The following NXPH1 variants were observed in gnomAD, a reference collection of about 807,000 sequenced individuals.
NXPH1 encodes the protein neurexophilin 1.
In NXPH1, 5 loss-of-function variants were observed where a neutral mutation model predicts 23.7. The observed-to-expected ratio is 0.21, with a 90% CI of 0.11 to 0.44. NXPH1 has a LOEUF of 0.44. Ranked by LOEUF, NXPH1 falls within the 20% of genes least tolerant of loss-of-function variation. The pLI is 0.99. For synonymous variants in NXPH1, 144 were observed against 122.2 expected (o/e 1.18, Z -1.18); for missense variants, 324 against 321.6 (o/e 1.01, Z -0.06).
At chr7:8,600,994 A>G (rs1478823087) in intron 2 of NXPH1, among the ~76,000 whole-genome samples, 1 of 151,896 alleles carries the variant, frequency 6.6e-6, no homozygotes, top group African/African-American at 2.4e-5. Context: ...TTATTGCATT[A>G]GGTATTATAA....
At chr7:8,462,471 C>A (rs1816712154) in intron 2 of NXPH1, among the ~76,000 whole-genome samples, 2 of 152,164 alleles carry the variant, frequency 1.3e-5, no homozygotes, top group Admixed American at 1.3e-4. Flanking sequence ...ATTGTCATCA[C>A]TGAGAAATGG....
At position 8,633,688 on chromosome 7, in the gene NXPH1, A is replaced by G. The variant is rs192333930; in HGVS notation, c.55-117320A>G. Among the ~76,000 whole-genome samples the G allele has an allele frequency of 2.8e-3, 419 of 152,260 alleles. 6 individuals carry two copies. The highest frequency in any genetic ancestry group is 9.9e-4 in the Non-Finnish European group (67 of 68,008). On this transcript the variant is annotated intron_variant, in intron 2 of 2. Transcript: ENST00000405863. ...AAAATAATTGCCAATTACCCAGAAG[A>G]CCTGAAAAAAGAATTCGTAATTTTT...
chr7:8,529,803 TA>T (rs990103854), intron 2 of NXPH1, among the ~76,000 whole-genome samples: 1 of 151,818 alleles, frequency 6.6e-6, no homozygotes, highest in African/African-American at 2.4e-5. Flanking sequence ...CTTCCTGAAT[TA>T]AAAAAAATGG....
chr7:8,512,667 A>T (rs904441364), intron 2 of NXPH1, among the ~76,000 whole-genome samples: 2 of 152,304 alleles, frequency 1.3e-5, no homozygotes. Context: ...CACAAAGTAA[A>T]TTAACAACTA....
intron 2 of NXPH1, among the ~76,000 whole-genome samples, chr7:8,564,748 T>C (rs1338957555): frequency 1.3e-5 from 2 of 151,860 alleles, no homozygotes; most frequent in Non-Finnish European, 2.9e-5. Context: ...ATTTCTTTCT[T>C]AATCTCATTA....
chr7:8,637,874 GC>G (rs1402656860), intron 2 of NXPH1, among the ~76,000 whole-genome samples: 3 of 152,100 alleles, frequency 2.0e-5, no homozygotes, highest in African/African-American at 7.2e-5. Flanking sequence ...ACGATTTAAA[GC>G]AAATCAAAGA....
chr7:8,741,370 A>AT (rs1162926583), intron 2 of NXPH1, among the ~76,000 whole-genome samples: 2 of 152,064 alleles, frequency 1.3e-5, no homozygotes, highest in Non-Finnish European at 2.9e-5. Context: ...TAAAATGCAG[A>AT]TTTTTTTTGA....
At chr7:8,726,797 C>A (rs1281466084) in intron 2 of NXPH1, among the ~76,000 whole-genome samples, 1 of 150,642 alleles carries the variant, frequency 6.6e-6, no homozygotes, top group Non-Finnish European at 1.5e-5. Flanking sequence ...AATAAACATA[C>A]GTGTGCATGT....
rs150098388 is a variant in NXPH1 at position 8,494,890 on chromosome 7, C to A, written c.54+59123C>A. 2.4e-3 allele frequency among the ~76,000 whole-genome samples: 362 copies of A among 152,140 alleles called. 2 individuals carry two copies. Among genetic ancestry groups the A allele is most frequent in the African/African-American group, 8.1e-3 (338 of 41,556 alleles). ...ATCCTAAGAGTCAGAGACCTGAGTT[C>A]TAATCCCAGAGGTACATCCTGATTG... On this transcript the variant is annotated intron_variant, in intron 2 of 2. Coordinates refer to ENST00000405863, the MANE Select transcript of NXPH1 (RefSeq NM_152745.3).
intron 2 of NXPH1, among the ~76,000 whole-genome samples, chr7:8,444,662 G>T (rs1282900403): frequency 6.6e-6 from 1 of 152,124 alleles, no homozygotes; most frequent in African/African-American, 2.4e-5. Flanking sequence ...TAACTGAGGT[G>T]TGTGTGTGTG....
intron 2 of NXPH1, among the ~76,000 whole-genome samples, chr7:8,679,233 C>T (rs1821013226): frequency 6.6e-6 from 1 of 152,046 alleles, no homozygotes; most frequent in Admixed American, 6.5e-5. Context: ...AGGTGTGAGC[C>T]ACCGCGCCCA....
intron 2 of NXPH1, among the ~76,000 whole-genome samples, chr7:8,651,721 C>T (rs1820494784): frequency 1.3e-5 from 2 of 152,166 alleles, no homozygotes; most frequent in South Asian, 2.1e-4. Context: ...TTCAAGTTTA[C>T]CTTTTGCCTT....
chr7:8,605,232 C>T (rs1286173520), intron 2 of NXPH1, among the ~76,000 whole-genome samples: 4 of 152,062 alleles, frequency 2.6e-5, no homozygotes, highest in South Asian at 2.1e-4. Flanking sequence ...AATTTTGGCT[C>T]ACTGGAATGC....
intron 2 of NXPH1, among the ~76,000 whole-genome samples, chr7:8,704,358 C>T (rs991011234): frequency 6.6e-6 from 1 of 152,046 alleles, no homozygotes; most frequent in East Asian, 1.9e-4. Flanking sequence ...CTTGCACAAT[C>T]GATTCTCTCC....
rs889714887 is a variant in NXPH1, at chr7:8,484,249, C to G, written c.54+48482C>G. Among the ~76,000 whole-genome samples the G allele has an allele frequency of 6.6e-5, 10 of 152,120 alleles. 1 individual carries two copies. The East Asian group carries it at 1.7e-3, about 27-fold the overall frequency. On this transcript the variant is annotated intron_variant, in intron 2 of 2. Transcript: ENST00000405863. ...GTGCTCAGCAAATCACAACAGAAAC[C>G]TCATATTTTGGGCCTTACATATCAA...
rs142172506 is a variant in NXPH1 at position 8,701,626 on chromosome 7, A to G, written c.55-49382A>G. On this transcript the variant is annotated intron_variant, in intron 2 of 2. Transcript: ENST00000405863. ...TTAAGAATCCTTTTCAAGGGCTTTC[A>G]GGTAAAATTAAGTGTTCTCCCACTG... is the stretch of plus-strand genomic sequence containing the variant. Among the ~76,000 whole-genome samples, 1,424 of 152,202 alleles carry G rather than the reference A, an allele frequency of 9.4e-3. 12 individuals carry two copies. The highest frequency in any genetic ancestry group is 0.032 in the African/African-American group (1,328 of 41,540).
chr7:8,712,408 A>C (rs1289301540), intron 2 of NXPH1, among the ~76,000 whole-genome samples: 1 of 152,192 alleles, frequency 6.6e-6, no homozygotes, highest in African/African-American at 2.4e-5. Context: ...TAGCAAAGTA[A>C]ATCAACTGCT....
At chr7:8,519,035 G>T (rs1217238464) in intron 2 of NXPH1, among the ~76,000 whole-genome samples, 1 of 152,052 alleles carries the variant, frequency 6.6e-6, no homozygotes, top group African/African-American at 2.4e-5. Context: ...CTTGGCATGG[G>T]TAGGCTATTG....
At position 8,638,280 on chromosome 7, in the gene NXPH1, A is replaced by C. The variant is rs1012346962; in HGVS notation, c.55-112728A>C. On this transcript the variant is annotated intron_variant, in intron 2 of 2. Coordinates refer to ENST00000405863, the MANE Select transcript of NXPH1 (RefSeq NM_152745.3). ...CCGACAGCTAGGAACCTGAATTGGCACTGCTCAGCTCATTGTTTTGGGCAT... is the reference window on the plus strand; with the variant it reads ...CCGACAGCTAGGAACCTGAATTGGCCCTGCTCAGCTCATTGTTTTGGGCAT... Among the ~76,000 whole-genome samples, 9 of 152,266 alleles carry C rather than the reference A, an allele frequency of 5.9e-5. No individual in the cohort carries two copies. The South Asian group carries it at 1.2e-3, about 21-fold the overall frequency.
Sources: allele counts gnomAD v4.1 joint callset (sites outside exome capture counted in the v4.1 genomes callset), GRCh38; gene constraint gnomAD v4.1.1; transcripts MANE v1.5; gene names NCBI Gene and HGNC (gene_info 2026-07-23, HGNC 2026-07-21).